The following DNER variants were observed in gnomAD, a reference collection of about 807,000 sequenced individuals.
The protein encoded by DNER is delta and Notch-like epidermal growth factor-related receptor.
In DNER, 33 loss-of-function variants were observed where a neutral mutation model predicts 78.2. The ratio of observed to expected loss-of-function variants is 0.42; its 90% CI spans 0.32 to 0.56. DNER has a LOEUF of 0.56. Ranked by LOEUF, DNER falls within the 20% of genes least tolerant of loss-of-function variation. The pLI is 0.11. For synonymous variants in DNER, 417 were observed against 384.8 expected (o/e 1.08, Z -0.98); for missense variants, 918 against 975.3 (o/e 0.94, Z 0.78).
chr2:229,417,931 G>A (rs1034875472), intron 9 of DNER, among the ~76,000 whole-genome samples, 177 bp downstream of exon 9: 4 of 152,228 alleles, frequency 2.6e-5, no homozygotes, highest in African/African-American at 9.6e-5. Context: ...AATCTATCAG[G>A]AAGAAACCAG....
intron 5 of DNER, among the ~76,000 whole-genome samples, chr2:229,518,258 C>T (rs1696020089): frequency 1.3e-5 from 2 of 152,280 alleles, no homozygotes; most frequent in African/African-American, 4.8e-5. Context: ...GGATATTGTC[C>T]AACATGTATT....
At chr2:229,654,363 G>A (rs377067781) in intron 1 of DNER, among the ~76,000 whole-genome samples, 307 of 152,146 alleles carry the variant, frequency 2.0e-3, no homozygotes, top group Non-Finnish European at 3.7e-3. Context: ...TGTTTATTGC[G>A]GCACTATTCA....
chr2:229,582,392 C>G (rs1185567495), intron 4 of DNER, among the ~76,000 whole-genome samples: 1 of 152,056 alleles, frequency 6.6e-6, no homozygotes, highest in African/African-American at 2.4e-5. Context: ...CCATCCCTCC[C>G]CAGGAAGAGC....
At chr2:229,523,756 A>G (rs934444263) in intron 5 of DNER, among the ~76,000 whole-genome samples, 8 of 152,224 alleles carry the variant, frequency 5.3e-5, no homozygotes, top group Non-Finnish European at 1.0e-4. Context: ...CTTCACAGAT[A>G]TCTGATGCTT....
At chr2:229,366,389 A>C (rs1484622540) in intron 12 of DNER, among the ~76,000 whole-genome samples, 1 of 152,014 alleles carries the variant, frequency 6.6e-6, no homozygotes, top group African/African-American at 2.4e-5. Flanking sequence ...CACCACACTA[A>C]CTCCTTGTCC....
At chr2:229,695,295 T>C (rs150411528) in intron 1 of DNER, among the ~76,000 whole-genome samples, 43 of 152,286 alleles carry the variant, frequency 2.8e-4, no homozygotes, top group African/African-American at 9.6e-4. Context: ...GTAGGGGAAA[T>C]GCCTCCTCCA....
At chr2:229,475,396 G>A (rs1310800441) in intron 7 of DNER, among the ~76,000 whole-genome samples, 7 of 152,140 alleles carry the variant, frequency 4.6e-5, no homozygotes, top group Non-Finnish European at 7.4e-5. Context: ...AGTCATGCCC[G>A]CAACTGCGCC....
intron 1 of DNER, among the ~76,000 whole-genome samples, chr2:229,692,836 A>C (rs1699601859): frequency 6.6e-6 from 1 of 152,040 alleles, no homozygotes; most frequent in South Asian, 2.1e-4. Flanking sequence ...TATTTTTCTT[A>C]TATAAGGATG....
chr2:229,561,082 T>G (rs950120691), intron 4 of DNER, among the ~76,000 whole-genome samples: 3 of 152,174 alleles, frequency 2.0e-5, no homozygotes. Flanking sequence ...TAAGGCACGT[T>G]TAGATGCTTA....
intron 1 of DNER, among the ~76,000 whole-genome samples, chr2:229,653,690 C>T (rs1559196814): frequency 6.6e-6 from 1 of 152,150 alleles, no homozygotes. Context: ...AAGCTAAAGG[C>T]AATGGAGTAA....
chr2:229,489,983 A>G (rs1695363269), intron 6 of DNER, among the ~76,000 whole-genome samples: 1 of 152,048 alleles, frequency 6.6e-6, no homozygotes, highest in Non-Finnish European at 1.5e-5. Flanking sequence ...GAGAGAGTGG[A>G]AGAGAAAGAA....
chr2:229,596,279 C>T (rs1244536274), intron 1 of DNER, among the ~76,000 whole-genome samples: 1 of 152,218 alleles, frequency 6.6e-6, no homozygotes, highest in East Asian at 1.9e-4. Flanking sequence ...CAGGATTCTC[C>T]AAGGCCCAGT....
At chr2:229,409,271 C>T (rs1476054545) in intron 9 of DNER, among the ~76,000 whole-genome samples, 1 of 152,132 alleles carries the variant, frequency 6.6e-6, no homozygotes, top group African/African-American at 2.4e-5. Context: ...CACATATTTA[C>T]AAGTTCCCAC....
chr2:229,425,955 G>C (rs534054860), intron 8 of DNER, among the ~76,000 whole-genome samples: 1 of 151,938 alleles, frequency 6.6e-6, no homozygotes, highest in African/African-American at 2.4e-5. Flanking sequence ...GCTTTTATTT[G>C]TTTTTACTTT....
intron 5 of DNER, among the ~76,000 whole-genome samples, chr2:229,519,281 A>G (rs1449874124): frequency 1.3e-5 from 2 of 152,172 alleles, no homozygotes; most frequent in Non-Finnish European, 2.9e-5. Context: ...GTGTTGGTGA[A>G]CAAATCATTC....
At chr2:229,384,360 C>T (rs1013280403) in intron 11 of DNER, among the ~76,000 whole-genome samples, 8 of 151,988 alleles carry the variant, frequency 5.3e-5, no homozygotes, top group Non-Finnish European at 8.8e-5. Flanking sequence ...ACTAGAGAAG[C>T]AAGAGCAAAC....
intron 6 of DNER, among the ~76,000 whole-genome samples, chr2:229,493,675 T>C (rs1015248560): frequency 6.6e-6 from 1 of 152,212 alleles, no homozygotes; most frequent in African/African-American, 2.4e-5. Flanking sequence ...ATTCATTCAT[T>C]CAGGAAGTCC....
intron 1 of DNER, among the ~76,000 whole-genome samples, chr2:229,712,997 G>A (rs1699932242): frequency 6.6e-6 from 1 of 152,130 alleles, no homozygotes; most frequent in South Asian, 2.1e-4. Context: ...CATAATGAAA[G>A]GGCAGCCTTT....
At chr2:229,580,101 T>C (rs370862182) in intron 4 of DNER, 3 of 152,196 alleles carry the variant, frequency 2.0e-5, no homozygotes, top group South Asian at 4.1e-4. Flanking sequence ...GCTAGAAATG[T>C]AGAATCAAGG....
Sources: gnomAD v4.1 joint callset for allele counts (sites outside exome capture counted in the v4.1 genomes callset) on GRCh38, gnomAD v4.1.1 for gene constraint, MANE v1.5 for transcripts, NCBI Gene and HGNC (gene_info 2026-07-23, HGNC 2026-07-21) for gene names.